CD163L1: variants seen among roughly 807,000 people sequenced by gnomAD.
The protein encoded by CD163L1 is CD163 molecule like 1, also known as scavenger receptor cysteine-rich type 1 protein M160.
In CD163L1, 124 loss-of-function variants were observed where a neutral mutation model predicts 165.4. The observed-to-expected ratio is 0.75, with a 90% CI of 0.65 to 0.87. The LOEUF (loss-of-function observed/expected upper bound fraction) is 0.87, where lower values mean the gene tolerates loss of function less well. Ranked by LOEUF, CD163L1 falls within the 40% of genes least tolerant of loss-of-function variation. The pLI, the probability that CD163L1 is intolerant of heterozygous loss-of-function variation, is 0.00. For missense variants in CD163L1, 1,525 were observed against 1,799.9 expected, an observed-to-expected ratio of 0.85 and a Z score of 2.76; for synonymous variants, 585 against 662.2, an observed-to-expected ratio of 0.88 and a Z score of 1.79.
At chr12:7,388,176 G>A (rs1366670154) in intron 8 of CD163L1, among the ~76,000 whole-genome samples, 1 of 152,080 alleles carries the variant, frequency 6.6e-6, no homozygotes, top group East Asian at 1.9e-4. Context: ...ACTACTAGAA[G>A]AAAACATTGG....
At chr12:7,409,318 C>A (rs1258339568) in intron 4 of CD163L1, among the ~76,000 whole-genome samples, 1 of 151,934 alleles carries the variant, frequency 6.6e-6, no homozygotes, top group Non-Finnish European at 1.5e-5. Flanking sequence ...CAGAACCCAC[C>A]AAAGGAGACC....
Position 7,368,878 on chromosome 12 carries a change from AC to A in CD163L1, c.4072+54del. 1 of 1,591,682 alleles carries A rather than the reference AC, an allele frequency of 6.3e-7. No homozygotes were observed. The highest frequency in any genetic ancestry group is 8.6e-7 in the Non-Finnish European group (1 of 1,160,310). On this transcript the variant is annotated intron_variant, in intron 16 of 19. Transcript: ENST00000313599. This position sits in a 1 kb window ranked among gnomAD's most constrained non-coding sequence, Gnocchi z 4.3. ...TCATAGCAGTTTCTGCCCTCCCTTG[AC>A]CTTCCATGTAGCCTTAGGTATTTGT...
chr12:7,375,264 A>G lies in CD163L1; in HGVS notation c.3001+17T>C. 6.2e-7 allele frequency: 1 copy of G among 1,611,144 alleles called. No individual in the cohort carries two copies. Among genetic ancestry groups the G allele is most frequent in the Non-Finnish European group, 8.5e-7 (1 of 1,178,020 alleles). On this transcript the variant is annotated intron_variant, in intron 11 of 19. Transcript: ENST00000313599. Reference sequence around the variant, plus strand: ...GGCTATATTGACAGTAGTTAACCATAAGCACTATTCTCTTACCTGTGCAGA... The same window carrying G: ...GGCTATATTGACAGTAGTTAACCATGAGCACTATTCTCTTACCTGTGCAGA...
chr12:7,382,327 C>T (rs1486420239), intron 8 of CD163L1, among the ~76,000 whole-genome samples: 9 of 151,846 alleles, frequency 5.9e-5, no homozygotes. Context: ...TTCAAGACGG[C>T]TACTAGAGGC....
the CD163L1 span, chr12:7,324,394 C>A: frequency 6.2e-7 from 1 of 1,613,998 alleles, no homozygotes; most frequent in South Asian, 1.1e-5. Context: ...GTCATTATAT[C>A]CTCTGGGTTT....
intron 8 of CD163L1, among the ~76,000 whole-genome samples, chr12:7,387,365 C>A (rs116854231): frequency 2.3e-4 from 35 of 152,236 alleles, no homozygotes; most frequent in Non-Finnish European, 4.4e-4. Flanking sequence ...ACATCTCGTG[C>A]TTTTTGATTG....
At chr12:7,342,338 T>G (rs1343783337), downstream of CD163L1, among the ~76,000 whole-genome samples, 2 of 152,262 alleles carry the variant, frequency 1.3e-5, no homozygotes, top group African/African-American at 4.8e-5. Context: ...GACATGCTCC[T>G]GCTGCAGATA....
Position 7,398,733 on chromosome 12 carries a change from CT to C in CD163L1, c.1409-150del. 3 of 633,884 alleles carry C rather than the reference CT, an allele frequency of 4.7e-6. No homozygotes were observed. The highest frequency in any genetic ancestry group is 7.2e-6 in the Non-Finnish European group (3 of 417,726). The allele number at this position is 633,884 out of a possible 1,614,324, so 39.3% of individuals were successfully genotyped here. ...TTGAATGAAAAGTTTGGTTTTCTTT[CT>C]TTTGACAATTTTTTATTCAATTTTT... On this transcript the variant is annotated intron_variant, in intron 6 of 19. Coordinates refer to ENST00000313599, the MANE Select transcript of CD163L1 (RefSeq NM_174941.6). This position sits in a 1 kb window ranked among gnomAD's most constrained non-coding sequence, Gnocchi z 4.5.
Position 7,400,278 on chromosome 12 carries a change from T to C in CD163L1, c.1409-1694A>G, listed in dbSNP as rs781601402. Among the ~76,000 whole-genome samples, 4 of 152,248 alleles carry C rather than the reference T, an allele frequency of 2.6e-5. No individual in the cohort carries two copies. The highest frequency in any genetic ancestry group is 5.9e-5 in the Non-Finnish European group (4 of 68,038). On this transcript the variant is annotated intron_variant, in intron 6 of 19. Transcript: ENST00000313599. The surrounding 1 kb of genome is among the most constrained non-coding windows in gnomAD (Gnocchi z 4.1). ...TTCCACAATATAATGGAAACCAATG[T>C]ATTCAATGTAGGTTAAATGTGTGGG...
intron 2 of CD163L1, chr12:7,439,797 G>A: frequency 1.2e-6 from 2 of 1,613,738 alleles, no homozygotes; most frequent in Admixed American, 1.7e-5. Context: ...TTATGTCCAG[G>A]ATCTTCTCCA....
rs748339102 is a variant in CD163L1 at position 7,368,136 on chromosome 12, T to C, written c.4134A>G (p.Leu1378=). 8 of 1,612,672 alleles carry C rather than the reference T, an allele frequency of 5.0e-6. No homozygotes were observed. The highest frequency in any genetic ancestry group is 3.3e-5 in the South Asian group (3 of 91,048). ...TCTGAACTCGGCACCACGTGAGAAA[T>C]AGAATAAACAGAACCAGGAGAAGGA... ...FGLLLLVLFI[L]FLTWCRVQKQ... Residue 1378 remains leucine, a synonymous_variant, in exon 17 of 20, where the codon CTA becomes CTG. Transcript: ENST00000313599. The surrounding 1 kb of genome is among the most constrained non-coding windows in gnomAD (Gnocchi z 4.3).
chr12:7,326,904 T>C, the CD163L1 span: 1 of 1,472,454 alleles, frequency 6.8e-7, no homozygotes, highest in Non-Finnish European at 9.1e-7. Flanking sequence ...GCACCTGTGT[T>C]CAGCATTTGT....
At chr12:7,439,828 T>C in intron 2 of CD163L1, 1 of 1,613,496 alleles carries the variant, frequency 6.2e-7, no homozygotes, top group Non-Finnish European at 8.5e-7. Flanking sequence ...ATCCTCTCCG[T>C]CCTCCTCACT....
At chr12:7,423,020 A>C (rs897578727) in intron 4 of CD163L1, among the ~76,000 whole-genome samples, 1 of 152,054 alleles carries the variant, frequency 6.6e-6, no homozygotes, top group African/African-American at 2.4e-5. Flanking sequence ...AATCAACAGA[A>C]TATACATTTT....
At chr12:7,437,900 A>T (rs1219100474) in intron 2 of CD163L1, among the ~76,000 whole-genome samples, 6 of 144,474 alleles carry the variant, frequency 4.2e-5, no homozygotes, top group Admixed American at 6.9e-5. Flanking sequence ...TATTATTATA[A>T]AAAAAAAAAA....
chr12:7,422,582 G>A (rs925390501), intron 4 of CD163L1, among the ~76,000 whole-genome samples: 1 of 151,414 alleles, frequency 6.6e-6, no homozygotes, highest in African/African-American at 2.4e-5. Context: ...AATCAGTTTA[G>A]AGAAGAACAT....
chr12:7,329,297 T>C, the CD163L1 span, among the ~76,000 whole-genome samples: 4 of 149,186 alleles, frequency 2.7e-5, no homozygotes, highest in South Asian at 4.2e-4. Flanking sequence ...TTTTTTTTTT[T>C]CAGCTATTAG....
downstream of CD163L1, among the ~76,000 whole-genome samples, chr12:7,344,095 T>G (rs185988912): frequency 4.6e-3 from 700 of 151,940 alleles, 5 homozygotes; most frequent in African/African-American, 0.015. Flanking sequence ...TTGTTTGTTT[T>G]TTTTGAGACA....
chr12:7,383,013 C>A (rs1947444318), intron 8 of CD163L1, among the ~76,000 whole-genome samples: 1 of 152,160 alleles, frequency 6.6e-6, no homozygotes, highest in Admixed American at 6.5e-5. Context: ...AGCCTGAGAG[C>A]CACCTGTCTG....
Sources: allele counts gnomAD v4.1 joint callset (sites outside exome capture counted in the v4.1 genomes callset), GRCh38; gene constraint gnomAD v4.1.1; non-coding constraint Gnocchi (gnomAD v3.1); transcripts MANE v1.5; gene names NCBI Gene and HGNC (gene_info 2026-07-23, HGNC 2026-07-21).